The following CCDC148 variants were observed in gnomAD, a reference collection of about 807,000 sequenced individuals.
CCDC148 encodes coiled-coil domain containing 148, also known as coiled-coil domain-containing protein 148.
A neutral mutation model predicts 85.7 loss-of-function variants in CCDC148; 89 were observed. The observed-to-expected ratio is 1.04, with a 90% CI of 0.87 to 1.24. The LOEUF (loss-of-function observed/expected upper bound fraction) is 1.24. CCDC148 is among the 50% of genes most tolerant of loss of function. The pLI is 0.00. For synonymous variants in CCDC148, 230 were observed against 213.9 expected, an observed-to-expected ratio of 1.08 and a Z score of -0.66; for missense variants, 692 against 671.7, an observed-to-expected ratio of 1.03 and a Z score of -0.33.
chr2:158,235,804 G>A (rs1688077730), intron 10 of CCDC148: 1 of 152,176 alleles, frequency 6.6e-6, no homozygotes, highest in Admixed American at 6.5e-5. Context: ...AAGGAGGGTG[G>A]GAATGCAGGG....
chr2:158,326,269 C>A (rs542445462), intron 7 of CCDC148, among the ~76,000 whole-genome samples: 6 of 152,116 alleles, frequency 3.9e-5, no homozygotes, highest in Admixed American at 3.9e-4. Flanking sequence ...CCCGTCTTAA[C>A]TTTTATGTCA....
intron 11 of CCDC148, among the ~76,000 whole-genome samples, chr2:158,218,822 T>A (rs1687021236): frequency 6.6e-6 from 1 of 152,242 alleles, no homozygotes; most frequent in Non-Finnish European, 1.5e-5. Flanking sequence ...CTTCACCTTC[T>A]AACCACGAGC....
intron 2 of CCDC148, among the ~76,000 whole-genome samples, chr2:158,351,148 C>G (rs1683248846): frequency 6.6e-6 from 1 of 152,188 alleles, no homozygotes; most frequent in African/African-American, 2.4e-5. Context: ...GATAATTTTA[C>G]TTCCAGGCTT....
At chr2:158,341,592 G>A (rs1682698948) in intron 3 of CCDC148, among the ~76,000 whole-genome samples, 1 of 151,942 alleles carries the variant, frequency 6.6e-6, no homozygotes, top group African/African-American at 2.4e-5. Flanking sequence ...CAGGATTACA[G>A]GTGTGAGTCA....
intron 1 of CCDC148, among the ~76,000 whole-genome samples, chr2:158,421,501 A>T (rs199614978): frequency 6.6e-6 from 1 of 152,146 alleles, no homozygotes; most frequent in East Asian, 1.9e-4. Context: ...GGGTACATAA[A>T]GAAATGAAGG....
intron 11 of CCDC148, among the ~76,000 whole-genome samples, chr2:158,214,624 T>G (rs757181376): frequency 6.6e-6 from 1 of 152,208 alleles, no homozygotes; most frequent in Non-Finnish European, 1.5e-5. Context: ...TCATCAACTC[T>G]AACTCATGTA....
rs190839664 is a variant in CCDC148, at chr2:158,197,631, C to T, written c.1371-18635G>A. ...AAGAGAGCCTCTAATAAACAACTTC[C>T]CCTAATACTTCATGAGGTCCTTGTG... is the stretch of plus-strand genomic sequence containing the variant. On this transcript the variant is annotated intron_variant, in intron 11 of 13. Transcript: ENST00000283233. Among the ~76,000 whole-genome samples the T allele has an allele frequency of 1.8e-3, 273 of 152,162 alleles. 2 individuals are homozygous for T. Among genetic ancestry groups the T allele is most frequent in the Admixed American group, 5.9e-3 (90 of 15,270 alleles).
At chr2:158,300,240 GAGA>G (rs1429083073) in intron 9 of CCDC148, among the ~76,000 whole-genome samples, 1 of 152,156 alleles carries the variant, frequency 6.6e-6, no homozygotes, top group East Asian at 1.9e-4. Context: ...AGGAGGTATT[GAGA>G]AGAAGGAACA....
intron 1 of CCDC148, among the ~76,000 whole-genome samples, chr2:158,400,414 A>C (rs1685728088): frequency 6.6e-6 from 1 of 152,168 alleles, no homozygotes. Context: ...ACACATCTAC[A>C]ACCATCTGAT....
intron 11 of CCDC148, among the ~76,000 whole-genome samples, chr2:158,212,896 C>T (rs546879406): frequency 6.6e-6 from 1 of 152,228 alleles, no homozygotes; most frequent in South Asian, 2.1e-4. Context: ...AAATTATGGG[C>T]ATTTCTACAA....
intron 1 of CCDC148, among the ~76,000 whole-genome samples, chr2:158,362,303 A>G (rs1374853028): frequency 6.6e-6 from 1 of 152,216 alleles, no homozygotes; most frequent in Non-Finnish European, 1.5e-5. Flanking sequence ...ACTTGAACTC[A>G]GCTCTGGATC....
chr2:158,359,335 C>T (rs1437295858), intron 1 of CCDC148, among the ~76,000 whole-genome samples: 2 of 152,158 alleles, frequency 1.3e-5, no homozygotes, highest in South Asian at 4.1e-4. Flanking sequence ...ATAGGAAGCT[C>T]TCAAATGATT....
chr2:158,340,303 T>G lies in CCDC148; in HGVS notation c.425A>C (p.His142Pro), dbSNP rs1014289607. The change falls in exon 5 of 14, where the codon CAT becomes CCT. Residue 142 changes from histidine (H) to proline (P), a missense_variant. By Grantham distance (77) the His-to-Pro change is moderately conservative. Coordinates refer to ENST00000283233, the MANE Select transcript of CCDC148 (RefSeq NM_138803.4). Reference sequence around the variant, plus strand: ...TGGGTGTGAATGCTGCAAAGTGTGATGCTGTCTGTATTTTAGATCTGCTCT... The same window carrying G: ...TGGGTGTGAATGCTGCAAAGTGTGAGGCTGTCTGTATTTTAGATCTGCTCT... ...QLRADLKYRQ[H>P]HTLQHSHPHI... 4 of 1,614,004 alleles carry G rather than the reference T, an allele frequency of 2.5e-6. No individual in the cohort carries two copies. Among genetic ancestry groups the G allele is most frequent in the Non-Finnish European group, 3.4e-6 (4 of 1,179,950 alleles).
chr2:158,360,524 G>T (rs1337227329), intron 1 of CCDC148, among the ~76,000 whole-genome samples: 2 of 152,138 alleles, frequency 1.3e-5, no homozygotes, highest in East Asian at 1.9e-4. Flanking sequence ...GTGATACCCA[G>T]GTAAACAGAG....
chr2:158,425,259 G>T, intron 1 of CCDC148: 1 of 537,840 alleles, frequency 1.9e-6, no homozygotes. Flanking sequence ...TTATGGCAAG[G>T]CATCTCCAGG....
At chr2:158,217,327 T>A (rs12694953) in intron 11 of CCDC148, among the ~76,000 whole-genome samples, 124,944 of 141,146 alleles carry the variant, frequency 0.89, 56,283 homozygotes, top group Non-Finnish European at 0.96. Context: ...TATATATATA[T>A]AATTTTGTGT....
At chr2:158,277,029 G>C (rs1689981503) in intron 9 of CCDC148, among the ~76,000 whole-genome samples, 1 of 152,226 alleles carries the variant, frequency 6.6e-6, no homozygotes, top group Non-Finnish European at 1.5e-5. Flanking sequence ...GAAGTTTAGA[G>C]CTGGAGATAA....
At chr2:158,211,519 T>A (rs1686576537) in intron 11 of CCDC148, among the ~76,000 whole-genome samples, 3 of 152,208 alleles carry the variant, frequency 2.0e-5, no homozygotes, top group Non-Finnish European at 1.5e-5. Flanking sequence ...TTTTTTGACC[T>A]GAACAAGTAA....
chr2:158,406,587 TACAGCCAGTTAA>T (rs992565360), intron 1 of CCDC148, among the ~76,000 whole-genome samples: 3 of 143,852 alleles, frequency 2.1e-5, no homozygotes, highest in Non-Finnish European at 4.6e-5. Flanking sequence ...CTCTTGAGGT[TACAGCCAGTTAA>T]ACAGATTAAA....
Sources: allele counts gnomAD v4.1 joint callset (sites outside exome capture counted in the v4.1 genomes callset), GRCh38; gene constraint gnomAD v4.1.1; transcripts MANE v1.5; gene names NCBI Gene and HGNC (gene_info 2026-07-23, HGNC 2026-07-21).